Variants in SPOP observed in about 807,000 individuals in gnomAD.
SPOP encodes the protein speckle type BTB/POZ protein.
Under a neutral mutation model 45.6 loss-of-function variants are expected in SPOP, and 11 were observed. The observed-to-expected ratio is 0.24, with a 90% CI of 0.15 to 0.40. SPOP has a LOEUF of 0.40. Ranked by LOEUF, SPOP falls within the 10% of genes least tolerant of loss-of-function variation. The pLI, the probability that SPOP is intolerant of heterozygous loss-of-function variation, is 1.00. For missense variants in SPOP, 152 were observed against 465.6 expected, an observed-to-expected ratio of 0.33 and a Z score of 6.20; for synonymous variants, 166 against 166.3, an observed-to-expected ratio of 1.00 and a Z score of 0.01.
At chr17:49,620,940 CT>C (rs1429668746) in intron 3 of SPOP, among the ~76,000 whole-genome samples, 5 of 152,184 alleles carry the variant, frequency 3.3e-5, no homozygotes, top group Non-Finnish European at 7.4e-5. Context: ...ATAAACATCT[CT>C]CTCAACACTT....
intron 5 of SPOP, 95 bp from the exon 6 acceptor site, chr17:49,611,552 C>T: frequency 9.0e-7 from 1 of 1,107,806 alleles, no homozygotes; most frequent in East Asian, 2.4e-5. Context: ...GTAGTACATT[C>T]AGATACTAAT....
At chr17:49,623,053 C>A (rs1036939671) in intron 1 of SPOP, among the ~76,000 whole-genome samples, 177 bp from the exon 2 acceptor site, 1 of 151,586 alleles carries the variant, frequency 6.6e-6, no homozygotes, top group South Asian at 2.1e-4. Context: ...GTTGCCCAGA[C>A]GGGAGTGCAG....
At chr17:49,663,537 A>G (rs2073015708) in intron 1 of SPOP, among the ~76,000 whole-genome samples, 1 of 152,258 alleles carries the variant, frequency 6.6e-6, no homozygotes, top group African/African-American at 2.4e-5. Context: ...TTGATGAAGC[A>G]ATAAAAATTA....
At chr17:49,603,924 C>T (rs554831660) in intron 8 of SPOP, among the ~76,000 whole-genome samples, 1 of 152,276 alleles carries the variant, frequency 6.6e-6, no homozygotes, top group South Asian at 2.1e-4. Context: ...TGTGTACTTA[C>T]AGTAGGTTAC....
At position 49,675,307 on chromosome 17, in the gene SPOP, T is replaced by C. The variant is rs149189001; in HGVS notation, c.-67+2626A>G. 2.0e-4 allele frequency among the ~76,000 whole-genome samples: 30 copies of C among 152,354 alleles called. 1 individual carries two copies. The East Asian group carries it at 5.8e-3, about 29-fold the overall frequency. On this transcript the variant is annotated intron_variant, in intron 1 of 9. Transcript: ENST00000504102. ...ATCTTTCAAAAAGGAAGAGGGACTG[T>C]ATTTACTACATGGAATGATCACCAA... is the stretch of plus-strand genomic sequence containing the variant.
At chr17:49,607,465 G>GAACTTTGTAT in intron 7 of SPOP, 93 bp from the exon 8 acceptor site, 2 of 1,463,372 alleles carry the variant, frequency 1.4e-6, no homozygotes, top group Admixed American at 2.3e-5. Flanking sequence ...AGTGAGGAGA[G>GAACTTTGTAT]AACTTTGTAT....
chr17:49,642,513 T>C (rs1176764201), intron 1 of SPOP, among the ~76,000 whole-genome samples: 1 of 152,176 alleles, frequency 6.6e-6, no homozygotes, highest in African/African-American at 2.4e-5. Context: ...AAGTTCTTTA[T>C]ATTGTATTTT....
chr17:49,646,739 CAAGT>C (rs950455420), intron 1 of SPOP: 1 of 152,094 alleles, frequency 6.6e-6, no homozygotes, highest in Non-Finnish European at 1.5e-5. Context: ...ACAGAGCAAG[CAAGT>C]ATTTTACAAA....
Position 49,599,581 on chromosome 17 carries a change from AT to A in SPOP, c.*796del. The A allele has an allele frequency of 4.6e-6, 1 of 217,942 alleles. No homozygotes were observed. Among genetic ancestry groups the A allele is most frequent in the Non-Finnish European group, 9.2e-6 (1 of 108,332 alleles). The allele number at this position is 217,942 out of a possible 1,614,324, so 13.5% of individuals were successfully genotyped here. A position where few individuals can be genotyped will look rare whatever the true frequency, so the allele number is the denominator to read the frequency against. On this transcript the variant is annotated 3_prime_UTR_variant, in exon 10 of 10. Coordinates refer to ENST00000504102, the MANE Select transcript of SPOP (RefSeq NM_001007228.2). ...AAATCAGAGAAAAATGCCCAAAAAC[AT>A]TTTCCACAATATCTAAAAACAGAGA...
intron 1 of SPOP, among the ~76,000 whole-genome samples, chr17:49,633,294 A>C (rs1335891753): frequency 6.6e-6 from 1 of 152,158 alleles, no homozygotes; most frequent in Non-Finnish European, 1.5e-5. Flanking sequence ...AGATCAAGGC[A>C]AGCTGAAGAT....
rs1491535538 is a variant in SPOP at position 49,678,056 on chromosome 17, C to CACACACACACATACACACCG, written c.-210_-191dup. On this transcript the variant is annotated 5_prime_UTR_variant, in exon 1 of 10. It adds an upstream start codon to the 5' untranslated region. Coordinates refer to ENST00000504102, the MANE Select transcript of SPOP (RefSeq NM_001007228.2). ...CACACACACTCGGAGCGCGCACACT[C>CACACACACACATACACACCG]ACACACACACATACACACCGACACA... is the stretch of plus-strand genomic sequence containing the variant. 7.6e-6 allele frequency: 3 copies of CACACACACACATACACACCG among 393,654 alleles called. No homozygotes were observed. The highest frequency in any genetic ancestry group is 2.1e-5 in the African/African-American group (1 of 48,358). 24.4% of individuals were successfully genotyped at this position (393,654 alleles called of 1,614,324 possible). A position where few individuals can be genotyped will look rare whatever the true frequency, so the allele number is the denominator to read the frequency against.
intron 1 of SPOP, among the ~76,000 whole-genome samples, chr17:49,671,425 T>G (rs2073134303): frequency 6.6e-6 from 1 of 151,878 alleles, no homozygotes; most frequent in African/African-American, 2.4e-5. Context: ...GGGTTCTGCA[T>G]CTAGGACGGG....
chr17:49,662,508 C>G (rs977555174), intron 1 of SPOP, among the ~76,000 whole-genome samples: 1 of 151,920 alleles, frequency 6.6e-6, no homozygotes, highest in African/African-American at 2.4e-5. Flanking sequence ...ATGGTGAAAC[C>G]CCATCTCTAC....
rs764587660 is a variant in SPOP at position 49,611,326 on chromosome 17, C to T, written c.612G>A (p.Leu204=). 2.2e-5 allele frequency: 35 copies of T among 1,614,054 alleles called. No individual in the cohort carries two copies. Among genetic ancestry groups the T allele is most frequent in the Non-Finnish European group, 2.7e-5 (32 of 1,180,022 alleles). Residue 204 remains leucine (L), a synonymous_variant, in exon 6 of 10, where the codon TTG becomes TTA. Coordinates refer to ENST00000504102, the MANE Select transcript of SPOP (RefSeq NM_001007228.2). ...WENSRFTDCC[L]CVAGQEFQAH... ...CCTGGAATTCCTGGCCGGCAACACA[C>T]AAGCAGCAGTCTGTGAACCGGGAAT... is the stretch of plus-strand genomic sequence containing the variant.
intron 8 of SPOP, chr17:49,602,250 A>G (rs914932201): frequency 5.1e-5 from 20 of 390,892 alleles, no homozygotes; most frequent in Non-Finnish European, 8.2e-5. Context: ...AAGTCTACCT[A>G]TTAGAAAAAT....
At chr17:49,614,802 AGTGTGTGTGTGTGTGTGTGT>A (rs60134980) in intron 5 of SPOP, among the ~76,000 whole-genome samples, 43 of 147,072 alleles carry the variant, frequency 2.9e-4, no homozygotes, top group Middle Eastern at 3.4e-3. Flanking sequence ...CATGCTATGA[AGTGTGTGTGTGTGTGTGTGT>A]GTGTGTGTGT....
At chr17:49,639,545 T>C (rs2072607887) in intron 1 of SPOP, among the ~76,000 whole-genome samples, 1 of 152,172 alleles carries the variant, frequency 6.6e-6, no homozygotes, top group African/African-American at 2.4e-5. Flanking sequence ...TATATGGCAA[T>C]GAAATCAAAC....
At chr17:49,669,202 G>A (rs1437445292) in intron 1 of SPOP, among the ~76,000 whole-genome samples, 1 of 151,652 alleles carries the variant, frequency 6.6e-6, no homozygotes, top group Non-Finnish European at 1.5e-5. Context: ...AAGTAGCTGG[G>A]AATACAGGCG....
Position 49,598,942 on chromosome 17 carries a change from AT to A in SPOP, c.*1435del. 1 of 190,448 alleles carries A rather than the reference AT, an allele frequency of 5.3e-6. No homozygotes were observed. Among genetic ancestry groups the A allele is most frequent in the East Asian group, 8.3e-5 (1 of 12,004 alleles). The allele number at this position is 190,448 out of a possible 1,614,324, so 11.8% of individuals were successfully genotyped here. A position where few individuals can be genotyped will look rare whatever the true frequency, so the allele number is the denominator to read the frequency against. On this transcript the variant is annotated 3_prime_UTR_variant, in exon 10 of 10. Coordinates refer to ENST00000504102, the MANE Select transcript of SPOP (RefSeq NM_001007228.2). ...ACATTTATGTCCCCTGGATCTTTTT[AT>A]ATTTAGTTAGAAGAAGGGAGGTGGG...
Sources: allele counts gnomAD v4.1 joint callset (sites outside exome capture counted in the v4.1 genomes callset), GRCh38; gene constraint gnomAD v4.1.1; transcripts MANE v1.5; gene names NCBI Gene and HGNC (gene_info 2026-07-23, HGNC 2026-07-21).